Variants in CMIP observed in about 807,000 individuals in gnomAD.
CMIP encodes c-Maf inducing protein, also known as C-Maf-inducing protein.
Under a neutral mutation model 97.3 loss-of-function variants are expected in CMIP, and 13 were observed. The observed-to-expected ratio is 0.13, with a 90% confidence interval of 0.09 to 0.21. The LOEUF is 0.21. CMIP is among the 10% of genes least tolerant of loss of function. CMIP has a pLI of 1.00. For synonymous variants in CMIP, 538 were observed against 436.3 expected (o/e 1.23, Z -2.91); for missense variants, 847 against 1,024.9 (o/e 0.83, Z 2.37).
At chr16:81,513,786 C>T (rs1427344471) in intron 1 of CMIP, among the ~76,000 whole-genome samples, 2 of 152,252 alleles carry the variant, frequency 1.3e-5, no homozygotes, top group Non-Finnish European at 2.9e-5. Flanking sequence ...CCATTACTTC[C>T]TGGTGTGAAT....
At chr16:81,692,239 G>A (rs151255349) in intron 11 of CMIP, among the ~76,000 whole-genome samples, 37 of 152,320 alleles carry the variant, frequency 2.4e-4, no homozygotes, top group African/African-American at 6.5e-4. Flanking sequence ...AAGATAATGC[G>A]CGTAGCATTG....
At chr16:81,592,931 T>G (rs963902755) in intron 1 of CMIP, among the ~76,000 whole-genome samples, 1 of 152,224 alleles carries the variant, frequency 6.6e-6, no homozygotes, top group African/African-American at 2.4e-5. Context: ...CATCTTTGTG[T>G]CCATCACCTG....
chr16:81,523,814 T>G (rs776288254), intron 1 of CMIP, among the ~76,000 whole-genome samples: 1 of 152,210 alleles, frequency 6.6e-6, no homozygotes, highest in African/African-American at 2.4e-5. Context: ...TGAACCTCGC[T>G]CAGACACAGC....
intron 1 of CMIP, among the ~76,000 whole-genome samples, chr16:81,565,115 G>A (rs2090955791): frequency 6.6e-6 from 1 of 152,110 alleles, no homozygotes; most frequent in African/African-American, 2.4e-5. Context: ...TTTAGGGAGT[G>A]GGGGAATGGC....
intron 3 of CMIP, among the ~76,000 whole-genome samples, chr16:81,647,436 C>T (rs1430551654): frequency 1.3e-5 from 2 of 152,152 alleles, no homozygotes; most frequent in African/African-American, 2.4e-5. Flanking sequence ...GGCTGGGTTT[C>T]ACCGCATGCT....
intron 1 of CMIP, among the ~76,000 whole-genome samples, chr16:81,527,930 G>C (rs1387272493): frequency 6.6e-6 from 1 of 152,174 alleles, no homozygotes; most frequent in African/African-American, 2.4e-5. Flanking sequence ...ATGAAATTCT[G>C]TTGGCTTATA....
At chr16:81,537,548 A>C (rs945840482) in intron 1 of CMIP, among the ~76,000 whole-genome samples, 2,786 of 30,552 alleles carry the variant, frequency 0.091, 53 homozygotes, top group African/African-American at 0.21. Flanking sequence ...AAAAAAGACA[A>C]AAAAAAAAAA....
intron 9 of CMIP, among the ~76,000 whole-genome samples, chr16:81,676,953 G>A (rs1017233776): frequency 6.6e-5 from 10 of 152,154 alleles, no homozygotes; most frequent in East Asian, 3.8e-4. Context: ...GTTTTCAATC[G>A]TGCCGTTGTG....
intron 3 of CMIP, among the ~76,000 whole-genome samples, chr16:81,638,561 C>T (rs2092265306): frequency 6.6e-6 from 1 of 152,068 alleles, no homozygotes. Flanking sequence ...CCTTATTGTC[C>T]CTTCTGTCAC....
chr16:81,668,507 A>G (rs2092635935), intron 7 of CMIP, among the ~76,000 whole-genome samples: 1 of 152,128 alleles, frequency 6.6e-6, no homozygotes, highest in Admixed American at 6.5e-5. Flanking sequence ...TGACACCTGG[A>G]AGAGGCCGAG....
chr16:81,683,171 G>A (rs1905044777), intron 10 of CMIP, among the ~76,000 whole-genome samples: 1 of 152,240 alleles, frequency 6.6e-6, no homozygotes, highest in African/African-American at 2.4e-5. Context: ...CAAGTGCTAA[G>A]AGCAGTGACA....
At chr16:81,654,338 C>T (rs2092461022) in intron 4 of CMIP, among the ~76,000 whole-genome samples, 7 of 152,248 alleles carry the variant, frequency 4.6e-5, no homozygotes, top group Middle Eastern at 3.4e-3. Context: ...TCCCAAAGTG[C>T]TGGGATTATA....
At chr16:81,660,851 C>G (rs373062957) in intron 5 of CMIP, 33 bp from the exon 6 acceptor site, 1 of 1,613,696 alleles carries the variant, frequency 6.2e-7, no homozygotes, top group Non-Finnish European at 8.5e-7. Context: ...CTATCTACCC[C>G]ACGGTTCCTG....
intron 1 of CMIP, among the ~76,000 whole-genome samples, chr16:81,525,915 G>T (rs538080077): frequency 7.0e-4 from 107 of 152,074 alleles, no homozygotes; most frequent in Non-Finnish European, 1.2e-3. Context: ...TGCTCTCAAG[G>T]TTCACCCATA....
At chr16:81,707,343 A>C (rs528400426) in intron 20 of CMIP, among the ~76,000 whole-genome samples, 1 of 152,338 alleles carries the variant, frequency 6.6e-6, no homozygotes, top group South Asian at 2.1e-4. Context: ...TGAGACCCAA[A>C]ACATAAGAAG....
intron 1 of CMIP, among the ~76,000 whole-genome samples, chr16:81,547,748 G>C (rs1314915256): frequency 4.6e-5 from 7 of 152,312 alleles, no homozygotes; most frequent in African/African-American, 1.7e-4. Flanking sequence ...GGAAGTGCAA[G>C]ATGAAGAAGA....
rs962318933 is a variant in CMIP, at chr16:81,603,140, C to G, written c.301-4427C>G. Among the ~76,000 whole-genome samples the G allele has an allele frequency of 2.0e-5, 3 of 152,114 alleles. No individual in the cohort carries two copies. In the East Asian group the frequency reaches 5.8e-4, roughly 29 times the overall value. ...TGTTGCCCAGGCTACAGTGCAGTGGCGCGATCTCGGCTCACTGCAAGCTTC... is the reference window on the plus strand; with the variant it reads ...TGTTGCCCAGGCTACAGTGCAGTGGGGCGATCTCGGCTCACTGCAAGCTTC... On this transcript the variant is annotated intron_variant, in intron 1 of 20. Transcript: ENST00000537098.
chr16:81,706,874 GTCTAC>G, intron 19 of CMIP, 135 bp from the exon 20 acceptor site: 1 of 698,706 alleles, frequency 1.4e-6, no homozygotes, highest in South Asian at 1.7e-5. Flanking sequence ...CCCTGGCTGT[GTCTAC>G]GAAACCTCCC....
chr16:81,581,910 G>A (rs562028006), intron 1 of CMIP, among the ~76,000 whole-genome samples: 2 of 152,280 alleles, frequency 1.3e-5, no homozygotes, highest in African/African-American at 4.8e-5. Context: ...CCTGAGACTG[G>A]GTAATTTTAA....
Sources: allele counts gnomAD v4.1 joint callset (sites outside exome capture counted in the v4.1 genomes callset), GRCh38; gene constraint gnomAD v4.1.1; transcripts MANE v1.5; gene names NCBI Gene and HGNC (gene_info 2026-07-23, HGNC 2026-07-21).